Variants in ZNF562 observed in about 807,000 individuals in gnomAD.
The protein encoded by ZNF562 is zinc finger protein 562.
A neutral mutation model predicts 17.5 loss-of-function variants in ZNF562; 13 were observed. The observed-to-expected ratio is 0.74, with a 90% CI of 0.48 to 1.18. The LOEUF is 1.18. ZNF562 is among the 50% of genes most tolerant of loss of function. The pLI is 0.00. For missense variants in ZNF562, 481 were observed against 498.5 expected (o/e 0.96, Z 0.33); for synonymous variants, 163 against 165.4 (o/e 0.99, Z 0.11).
chr19:9,662,097 C>A (rs932348821), intron 1 of ZNF562, among the ~76,000 whole-genome samples: 10 of 152,098 alleles, frequency 6.6e-5, no homozygotes, highest in Non-Finnish European at 1.2e-4. Flanking sequence ...AACCTACATT[C>A]AAATAATCCT....
chr19:9,671,349 T>G lies in ZNF562; in HGVS notation c.-131+3666A>C, dbSNP rs143569536. ...AAGATATTCCCTTGTCTGGATCATG[T>G]AAAGACATCCCTCCAAGATGTCACT... is the stretch of plus-strand genomic sequence containing the variant. On this transcript the variant is annotated intron_variant, in intron 1 of 5. Transcript: ENST00000453372. Among the ~76,000 whole-genome samples the G allele has an allele frequency of 2.8e-4, 43 of 152,282 alleles. 1 individual carries two copies. In the East Asian group the frequency reaches 8.3e-3, roughly 29 times the overall value.
chr19:9,659,564 GCA>G, intron 2 of ZNF562, 97 bp from the exon 3 acceptor site: 1 of 1,426,306 alleles, frequency 7.0e-7, no homozygotes, highest in Non-Finnish European at 9.3e-7. Flanking sequence ...ATATGCTCCT[GCA>G]CACTCGAAAA....
In ZNF562 at chr19:9,653,438, G is replaced by T. The variant is rs751777689; in HGVS notation, c.792C>A (p.Asn264Lys). 3.2e-5 allele frequency: 51 copies of T among 1,614,052 alleles called. No homozygotes were observed. In the South Asian group the frequency reaches 4.7e-4, roughly 15 times the overall value. Residue 264 changes from asparagine to lysine, a missense_variant, in exon 6 of 6, where the codon AAC becomes AAA. Around this residue, in one of 2 missense-constraint regions of ZNF562, gnomAD observed 403 missense variants for 386.4 expected, o/e 1.04. Coordinates refer to ENST00000453372, the MANE Select transcript of ZNF562 (RefSeq NM_001130031.2). The part of the protein sequence containing the change: ...HTGKKSEKTK[N>K]CGKSFTNFSQ... ...AAAAATTAGTGAAGGATTTCCCACA[G>T]TTCTTAGTCTTTTCGGATTTCTTTC... is the stretch of plus-strand genomic sequence containing the variant.
At position 9,659,406 on chromosome 19, in the gene ZNF562, T is replaced by G; in HGVS notation, c.87A>C (p.Val29=). ...GGTAAGAATTTGACCGGTGGTCCTCTACCATCGTTCCTATCTTTGTCTTTT... is the reference window on the plus strand; with the variant it reads ...GGTAAGAATTTGACCGGTGGTCCTCGACCATCGTTCCTATCTTTGTCTTTT... ...FEEKTKIGTM[V]EDHRSNSYQD... Residue 29 remains valine, a synonymous_variant, in exon 3 of 6, where the codon GTA becomes GTC. Transcript: ENST00000453372. 1 of 1,551,478 alleles carries G rather than the reference T, an allele frequency of 6.4e-7. No homozygotes were observed. Among genetic ancestry groups the G allele is most frequent in the Non-Finnish European group, 8.7e-7 (1 of 1,146,888 alleles).
Position 9,644,045 on chromosome 19 carries a change from A to T in ZNF562, c.*8904T>A, listed in dbSNP as rs1213237237. 1 of 152,062 alleles carries T rather than the reference A, an allele frequency of 6.6e-6. No individual in the cohort carries two copies. Among genetic ancestry groups the T allele is most frequent in the Admixed American group, 6.6e-5 (1 of 15,220 alleles). The allele number at this position is 152,062 out of a possible 1,614,324, so 9.4% of individuals were successfully genotyped here. ...TCTGACCTTGTGATCCACCTGCCTC[A>T]GCCTCCCAAAGTGCTGGGATTACAG... On this transcript the variant is annotated 3_prime_UTR_variant, in exon 6 of 6. Coordinates refer to ENST00000453372, the MANE Select transcript of ZNF562 (RefSeq NM_001130031.2).
chr19:9,668,444 C>T (rs1259471133), intron 1 of ZNF562, among the ~76,000 whole-genome samples: 3 of 151,838 alleles, frequency 2.0e-5, no homozygotes, highest in Non-Finnish European at 4.4e-5. Flanking sequence ...AACTATAAAA[C>T]ACTGATGAAA....
Position 9,669,717 on chromosome 19 carries a change from A to AGCGCGCGCGC in ZNF562, c.-131+5288_-131+5297dup, listed in dbSNP as rs3074896. On this transcript the variant is annotated intron_variant, in intron 1 of 5. Transcript: ENST00000453372. ...AGACCTGTCTGCATGCACGCGCGCG[A>AGCGCGCGCGC]GCGCGCGCGCGCGCGCGCACACACA... 3.1e-4 allele frequency among the ~76,000 whole-genome samples: 31 copies of AGCGCGCGCGC among 98,936 alleles called. 1 individual carries two copies. Among genetic ancestry groups the AGCGCGCGCGC allele is most frequent in the African/African-American group, 1.1e-3 (31 of 29,398 alleles). The allele number at this position is 98,936 out of a possible 152,430, so 64.9% of individuals were successfully genotyped here.
chr19:9,661,106 T>A (rs1193737318), intron 1 of ZNF562, among the ~76,000 whole-genome samples: 1 of 152,166 alleles, frequency 6.6e-6, no homozygotes, highest in Non-Finnish European at 1.5e-5. Flanking sequence ...ATCATAACCA[T>A]CCTTCCCAAC....
intron 5 of ZNF562, 146 bp downstream of exon 5, chr19:9,656,401 C>T (rs1368893315): frequency 1.3e-5 from 10 of 751,002 alleles, no homozygotes; most frequent in East Asian, 2.7e-5. Flanking sequence ...CCTAGCTACT[C>T]GGGAGGCTGA....
chr19:9,659,610 G>A (rs546039029), intron 2 of ZNF562, 143 bp from the exon 3 acceptor site: 44 of 1,077,362 alleles, frequency 4.1e-5, no homozygotes, highest in Middle Eastern at 6.2e-4. Flanking sequence ...ATGAAATGCC[G>A]TAGTAGTCCT....
At chr19:9,667,965 A>C (rs2044015807) in intron 1 of ZNF562, among the ~76,000 whole-genome samples, 2 of 152,250 alleles carry the variant, frequency 1.3e-5, no homozygotes, top group South Asian at 4.1e-4. Context: ...TGAATTCAGT[A>C]AATGTTCAGG....
rs1332551608 is a variant in ZNF562, at chr19:9,644,150, GACTGT to G, written c.*8794_*8798del. On this transcript the variant is annotated 3_prime_UTR_variant, in exon 6 of 6. Transcript: ENST00000453372. ...CCAATATAATTCTGTAGTTTTTAATGACTGTACTGTTTTTATCAGTGATAAAAACG... is the reference window on the plus strand; with the variant it reads ...CCAATATAATTCTGTAGTTTTTAATGACTGTTTTTATCAGTGATAAAAACG... 6.6e-6 allele frequency: 1 copy of G among 151,928 alleles called. No homozygotes were observed. Among genetic ancestry groups the G allele is most frequent in the Non-Finnish European group, 1.5e-5 (1 of 67,984 alleles). The allele number at this position is 151,928 out of a possible 1,614,324, so 9.4% of individuals were successfully genotyped here.
rs1212016238 is a variant in ZNF562 at position 9,643,948 on chromosome 19, C to T, written c.*9001G>A. 2 of 151,872 alleles carry T rather than the reference C, an allele frequency of 1.3e-5. No individual in the cohort carries two copies. Among genetic ancestry groups the T allele is most frequent in the Non-Finnish European group, 2.9e-5 (2 of 67,988 alleles). The allele number at this position is 151,872 out of a possible 1,614,324, so 9.4% of individuals were successfully genotyped here. A position where few individuals can be genotyped will look rare whatever the true frequency, so the allele number is the denominator to read the frequency against. On this transcript the variant is annotated 3_prime_UTR_variant, in exon 6 of 6. Coordinates refer to ENST00000453372, the MANE Select transcript of ZNF562 (RefSeq NM_001130031.2). ...AGTAGCTAGGAATACATGCACATGCCACCACGCCCAGCTATATTTTTTTAG... is the reference window on the plus strand; with the variant it reads ...AGTAGCTAGGAATACATGCACATGCTACCACGCCCAGCTATATTTTTTTAG...
Position 9,652,802 on chromosome 19 carries a change from TC to T in ZNF562, c.*146del. On this transcript the variant is annotated 3_prime_UTR_variant, in exon 6 of 6. Transcript: ENST00000453372. ...CATATCCTTACATTCATAGTATTTC[TC>T]CCCAGTGTGAATTCTTTCATGCATA... 1.5e-6 allele frequency: 1 copy of T among 670,918 alleles called. No individual in the cohort carries two copies. The highest frequency in any genetic ancestry group is 2.4e-6 in the Non-Finnish European group (1 of 420,602). The allele number at this position is 670,918 out of a possible 1,614,324, so 41.6% of individuals were successfully genotyped here. A position where few individuals can be genotyped will look rare whatever the true frequency, so the allele number is the denominator to read the frequency against.
chr19:9,660,110 A>C (rs1156886779), intron 2 of ZNF562, among the ~76,000 whole-genome samples: 2 of 149,024 alleles, frequency 1.3e-5, no homozygotes, highest in African/African-American at 4.9e-5. Context: ...AAAAAAAAAA[A>C]AAATTAGCTG....
chr19:9,648,987 T>G lies in ZNF562; in HGVS notation c.*3962A>C, dbSNP rs890089431. 1 of 152,226 alleles carries G rather than the reference T, an allele frequency of 6.6e-6. No individual in the cohort carries two copies. Among genetic ancestry groups the G allele is most frequent in the East Asian group, 1.9e-4 (1 of 5,198 alleles). 9.4% of individuals were successfully genotyped at this position (152,226 alleles called of 1,614,324 possible). Reference sequence around the variant, plus strand: ...CTGGATATAAAGAAAAAACTTTTCCTGCAGGACATTGTTGCAGGAAGTCAG... The same window carrying G: ...CTGGATATAAAGAAAAAACTTTTCCGGCAGGACATTGTTGCAGGAAGTCAG... On this transcript the variant is annotated 3_prime_UTR_variant, in exon 6 of 6. Transcript: ENST00000453372.
chr19:9,661,066 G>A (rs1324431375), intron 1 of ZNF562, among the ~76,000 whole-genome samples, 192 bp from the exon 2 acceptor site: 1 of 152,166 alleles, frequency 6.6e-6, no homozygotes, highest in African/African-American at 2.4e-5. Context: ...AGTAGCTCTA[G>A]TAGCTTTATA....
rs761539231 is a variant in ZNF562, at chr19:9,652,909, G to C, written c.*40C>G. 4 of 1,461,586 alleles carry C rather than the reference G, an allele frequency of 2.7e-6. No homozygotes were observed. Among genetic ancestry groups the C allele is most frequent in the African/African-American group, 2.8e-5 (2 of 70,818 alleles). The allele number at this position is 1,461,586 out of a possible 1,614,324, so 90.5% of individuals were successfully genotyped here. ...TCTCTCTGGTAGGAGTTCACAGGTGGGGTGAGGAATACAGAAATTCTTTCC... is the reference window on the plus strand; with the variant it reads ...TCTCTCTGGTAGGAGTTCACAGGTGCGGTGAGGAATACAGAAATTCTTTCC... On this transcript the variant is annotated 3_prime_UTR_variant, in exon 6 of 6. Transcript: ENST00000453372.
intron 4 of ZNF562, 112 bp downstream of exon 4, chr19:9,657,897 C>T (rs1289395042): frequency 4.4e-6 from 6 of 1,363,966 alleles, no homozygotes; most frequent in Admixed American, 2.6e-5. Context: ...CACAATGTTG[C>T]CCATGCTAGT....
Sources: gnomAD v4.1 joint callset for allele counts (sites outside exome capture counted in the v4.1 genomes callset) on GRCh38, gnomAD v4.1.1 for gene constraint, gnomAD v4.1.1 regional missense constraint, MANE v1.5 for transcripts, NCBI Gene and HGNC (gene_info 2026-07-23, HGNC 2026-07-21) for gene names.